The following TRIM5 variants were observed in gnomAD, a reference collection of about 807,000 sequenced individuals.
The protein encoded by TRIM5 is tripartite motif-containing protein 5.
TRIM5 carries 31 observed loss-of-function variants against 35.6 expected under a neutral mutation model. The ratio of observed to expected loss-of-function variants is 0.87; its 90% CI spans 0.65 to 1.18. The LOEUF is 1.18. Among genes scored for constraint, TRIM5 ranks in the 50% most tolerant of loss-of-function variants. TRIM5 has a pLI of 0.00. For missense variants in TRIM5, 609 were observed against 591.6 expected (o/e 1.03, Z -0.31); for synonymous variants, 243 against 215.6 (o/e 1.13, Z -1.11).
At chr11:5,682,331 A>G (rs980441504) in intron 1 of TRIM5, among the ~76,000 whole-genome samples, 3 of 152,000 alleles carry the variant, frequency 2.0e-5, no homozygotes, top group Admixed American at 6.5e-5. Flanking sequence ...TGCTCTTCGT[A>G]TCTCACCTAA....
At chr11:5,598,388 C>T in the TRIM5 span, among the ~76,000 whole-genome samples, 1 of 152,092 alleles carries the variant, frequency 6.6e-6, no homozygotes, top group Admixed American at 6.5e-5. Flanking sequence ...GAATTTTTCT[C>T]TGTCTAAAGA....
intron 1 of TRIM5, among the ~76,000 whole-genome samples, chr11:5,683,229 C>T (rs1852666658): frequency 6.6e-6 from 1 of 152,202 alleles, no homozygotes; most frequent in Admixed American, 6.5e-5. Context: ...CCCTGACGAG[C>T]ACCGCCCCCT....
chr11:5,610,642 T>C, the TRIM5 span: 8 of 1,575,356 alleles, frequency 5.1e-6, no homozygotes, highest in African/African-American at 1.1e-4. Flanking sequence ...GCCACACAGA[T>C]CCTAGGTGTT....
chr11:5,652,852 CTTT>C, the TRIM5 span, among the ~76,000 whole-genome samples: 3 of 143,648 alleles, frequency 2.1e-5, no homozygotes, highest in Admixed American at 7.0e-5. Flanking sequence ...TTTTCTTTTT[CTTT>C]TTTTTTTTTT....
chr11:5,673,269 C>G (rs1229569190), intron 4 of TRIM5, among the ~76,000 whole-genome samples: 1 of 151,918 alleles, frequency 6.6e-6, no homozygotes, highest in Non-Finnish European at 1.5e-5. Context: ...TAAGACAACT[C>G]AAGTAGATAT....
chr11:5,682,872 G>A (rs1005554345), intron 1 of TRIM5, among the ~76,000 whole-genome samples: 2 of 152,230 alleles, frequency 1.3e-5, no homozygotes, highest in Non-Finnish European at 2.9e-5. Context: ...TCAGCCCACC[G>A]CTGCACTGTG....
At chr11:5,682,328 C>G (rs12278842) in intron 1 of TRIM5, among the ~76,000 whole-genome samples, 80,646 of 151,714 alleles carry the variant, frequency 0.53, 21,447 homozygotes, top group African/African-American at 0.53. Context: ...TCCTGCTCTT[C>G]GTATCTCACC....
chr11:5,603,207 T>A, the TRIM5 span: 1 of 1,590,672 alleles, frequency 6.3e-7, no homozygotes, highest in East Asian at 2.2e-5. Context: ...CTCCCTCCTT[T>A]CTTACCCTGA....
intron 1 of TRIM5, among the ~76,000 whole-genome samples, chr11:5,683,822 T>G (rs79514471): frequency 6.6e-6 from 1 of 152,186 alleles, no homozygotes; most frequent in African/African-American, 2.4e-5. Flanking sequence ...AGGATGTGGG[T>G]GGGGCCAGAT....
the TRIM5 span, among the ~76,000 whole-genome samples, chr11:5,631,933 T>C: frequency 1.3e-5 from 2 of 152,182 alleles, no homozygotes; most frequent in African/African-American, 4.8e-5. Context: ...GTACACTGAA[T>C]GATGAGTTTG....
the TRIM5 span, among the ~76,000 whole-genome samples, chr11:5,631,169 T>A: frequency 6.6e-6 from 1 of 152,200 alleles, no homozygotes; most frequent in Non-Finnish European, 1.5e-5. Context: ...TGGGTTCCTA[T>A]CAACCTCTGT....
chr11:5,662,618 CAACTT>C (rs1383172238), downstream of TRIM5, among the ~76,000 whole-genome samples: 26 of 152,164 alleles, frequency 1.7e-4, no homozygotes, highest in Non-Finnish European at 1.3e-4. Flanking sequence ...ATACTTAAAA[CAACTT>C]AAGACTAGGC....
At chr11:5,632,107 G>C in the TRIM5 span, 2 of 1,114,002 alleles carry the variant, frequency 1.8e-6, no homozygotes, top group Non-Finnish European at 2.5e-6. Context: ...TTAACAGCTC[G>C]CCCAGACCAC....
chr11:5,616,389 T>C, the TRIM5 span, among the ~76,000 whole-genome samples: 1 of 146,032 alleles, frequency 6.8e-6, no homozygotes, highest in Non-Finnish European at 1.5e-5. Flanking sequence ...TCTTCATTTT[T>C]CCCAACAAGT....
chr11:5,651,250 T>A, the TRIM5 span, among the ~76,000 whole-genome samples: 1 of 152,194 alleles, frequency 6.6e-6, no homozygotes, highest in African/African-American at 2.4e-5. Flanking sequence ...TCCCTGCAGT[T>A]TTTTAATTAA....
chr11:5,670,248 G>C (rs1402371283), intron 4 of TRIM5, among the ~76,000 whole-genome samples: 3 of 130,192 alleles, frequency 2.3e-5, no homozygotes, highest in African/African-American at 9.0e-5. Context: ...TGCGATCTCA[G>C]CTCACTGCAA....
the TRIM5 span, among the ~76,000 whole-genome samples, chr11:5,617,976 G>C: frequency 1.1e-5 from 1 of 90,432 alleles, no homozygotes; most frequent in South Asian, 2.8e-4. Flanking sequence ...ATTCATTTCT[G>C]TCTGTTAGAA....
At chr11:5,604,672 T>A in the TRIM5 span, 76 of 1,595,370 alleles carry the variant, frequency 4.8e-5, no homozygotes, top group African/African-American at 9.7e-4. Flanking sequence ...GCAGGAATCA[T>A]GGCAGGTCAT....
In TRIM5 at chr11:5,680,153, C is replaced by T; in HGVS notation, c.25G>A (p.Val9Ile). The change falls in exon 2 of 8, where the codon GTA becomes ATA. Residue 9 changes from valine (V) to isoleucine (I), a missense_variant. Coordinates refer to ENST00000380034, the MANE Select transcript of TRIM5 (RefSeq NM_033034.3). MASGILVN[V>I]KEEVTCPICL... ...ATGGGGCAGGTCACCTCCTCCTTTACATTAACCAGGATTCCAGAAGCCATA... is the reference window on the plus strand; with the variant it reads ...ATGGGGCAGGTCACCTCCTCCTTTATATTAACCAGGATTCCAGAAGCCATA... The T allele has an allele frequency of 6.2e-7, 1 of 1,610,958 alleles. No homozygotes were observed. Among genetic ancestry groups the T allele is most frequent in the Non-Finnish European group, 8.5e-7 (1 of 1,178,178 alleles).
Sources: gnomAD v4.1 joint callset for allele counts (sites outside exome capture counted in the v4.1 genomes callset) on GRCh38, gnomAD v4.1.1 for gene constraint, MANE v1.5 for transcripts, NCBI Gene and HGNC (gene_info 2026-07-23, HGNC 2026-07-21) for gene names.